The following SFRP5 variants were observed in gnomAD, a reference collection of about 807,000 sequenced individuals.
The protein encoded by SFRP5 is secreted frizzled-related protein 5.
In SFRP5, 22 loss-of-function variants were observed where a neutral mutation model predicts 27.0. The ratio of observed to expected loss-of-function variants is 0.82; its 90% CI spans 0.58 to 1.17. The LOEUF (loss-of-function observed/expected upper bound fraction) is 1.17, where lower values mean the gene tolerates loss of function less well. Ranked by LOEUF, SFRP5 falls within the 50% of genes most tolerant of loss-of-function variation. The probability of loss-of-function intolerance (pLI) is 0.00; values close to 1 mark genes in which losing one functional copy is unlikely to be tolerated. For missense variants in SFRP5, 406 were observed against 436.6 expected (o/e 0.93, Z 0.63); for synonymous variants, 171 against 195.0 (o/e 0.88, Z 1.03).
At position 97,767,772 on chromosome 10, in the gene SFRP5, C is replaced by G. The variant is rs762696098; in HGVS notation, c.696G>C (p.Pro232=). ...GAQKKKKLLK[P]GPLKRKDTKR... ...TGGTGTCCTTGCGCTTCAGGGGGCC[C>G]GGCTTGAGCAGCTTCTTCTTTTTCT... Residue 232 remains proline, a synonymous_variant, in exon 3 of 3, where the codon CCG becomes CCC. Transcript: ENST00000266066. 1.3e-6 allele frequency: 2 copies of G among 1,575,346 alleles called. No homozygotes were observed. The highest frequency in any genetic ancestry group is 2.2e-5 in the East Asian group (1 of 44,456).
rs777405996 is a variant in SFRP5 at position 97,767,861 on chromosome 10, CTG to C, written c.608-3_608-2del. On this transcript the variant is annotated splice_acceptor_variant and splice_polypyrimidine_tract_variant and intron_variant, in intron 2 of 2. Transcript: ENST00000266066. LOFTEE classifies it high-confidence loss of function. Reference sequence around the variant, plus strand: ...ATCTCCTTGATGCGCATTTTGACCACTGTGGGAAGAAAGGACAGGGGCAAGTT... The same window carrying C: ...ATCTCCTTGATGCGCATTTTGACCACTGGGAAGAAAGGACAGGGGCAAGTT... The C allele has an allele frequency of 1.2e-5, 19 of 1,520,858 alleles. No homozygotes were observed. The Admixed American group carries it at 4.3e-4, about 34-fold the overall frequency. 94.2% of individuals were successfully genotyped at this position (1,520,858 alleles called of 1,614,324 possible). A position where few individuals can be genotyped will look rare whatever the true frequency, so the allele number is the denominator to read the frequency against.
chr10:97,767,735 G>A lies in SFRP5; in HGVS notation c.733C>T (p.Leu245=). 6.2e-7 allele frequency: 1 copy of A among 1,610,310 alleles called. No homozygotes were observed. Among genetic ancestry groups the A allele is most frequent in the East Asian group, 2.2e-5 (1 of 44,826 alleles). ...CAGCCCGCGCCATTCTTCATGTGCA[G>A]CACCAGCCGCTTGGTGTCCTTGCGC... The part of the protein sequence containing the change: ...LKRKDTKRLV[L]HMKNGAGCPC... The change falls in exon 3 of 3, where the codon CTG becomes TTG. Residue 245 remains leucine, a synonymous_variant. Coordinates refer to ENST00000266066, the MANE Select transcript of SFRP5 (RefSeq NM_003015.3).
chr10:97,771,472 A>C lies in SFRP5; in HGVS notation c.362T>G (p.Ile121Ser). 1.2e-6 allele frequency: 2 copies of C among 1,612,324 alleles called. No individual in the cohort carries two copies. ...LFAPVCLDRP[I>S]YPCRSLCEAV... ...CTCGCACAGCGAGCGGCACGGGTAG[A>C]TGGGCCGGTCGAGACAGACGGGCGC... The change falls in exon 1 of 3, where the codon ATC becomes AGC. Residue 121 changes from isoleucine to serine, a missense_variant. Ile to Ser is a moderately radical substitution (Grantham distance 142). Transcript: ENST00000266066. The surrounding 1 kb of genome is among the most constrained non-coding windows in gnomAD (Gnocchi z 5.2).
Position 97,767,845 on chromosome 10 carries a change from A to T in SFRP5, c.623T>A (p.Ile208Asn). The change falls in exon 3 of 3, where the codon ATC becomes AAC. Residue 208 changes from isoleucine (I) to asparagine (N), a missense_variant. By Grantham distance (149) the Ile-to-Asn change is moderately radical. Coordinates refer to ENST00000266066, the MANE Select transcript of SFRP5 (RefSeq NM_003015.3). ...CCCATTCTCTATCTTGATCTCCTTG[A>T]TGCGCATTTTGACCACTGTGGGAAG... Reference protein sequence around the residue: ...CSSDFVVKMRIKEIKIENGDR... With the variant: ...CSSDFVVKMRNKEIKIENGDR... 1 of 1,525,676 alleles carries T rather than the reference A, an allele frequency of 6.6e-7. No homozygotes were observed. The highest frequency in any genetic ancestry group is 1.8e-4 in the Middle Eastern group (1 of 5,618). The allele number at this position is 1,525,676 out of a possible 1,614,324, so 94.5% of individuals were successfully genotyped here.
Position 97,771,217 on chromosome 10 carries a change from G to T in SFRP5, c.529+88C>A, listed in dbSNP as rs1306199036. ...GTGTGTGTGTGTGGGCGGAGGGGGG[G>T]AGCTGCACCTCTTGGGGGGTTCGCA... On this transcript the variant is annotated intron_variant, in intron 1 of 2. Transcript: ENST00000266066. This position sits in a 1 kb window ranked among gnomAD's most constrained non-coding sequence, Gnocchi z 5.2. 3.5e-5 allele frequency: 26 copies of T among 734,472 alleles called. No individual in the cohort carries two copies. In the East Asian group the frequency reaches 6.6e-4, roughly 19 times the overall value. 45.5% of individuals were successfully genotyped at this position (734,472 alleles called of 1,614,324 possible).
At position 97,767,418 on chromosome 10, in the gene SFRP5, T is replaced by TGCCA; in HGVS notation, c.*95_*96insTGGC. 1.0e-6 allele frequency: 1 copy of TGCCA among 968,966 alleles called. No individual in the cohort carries two copies. The highest frequency in any genetic ancestry group is 1.5e-6 in the Non-Finnish European group (1 of 658,710). The allele number at this position is 968,966 out of a possible 1,614,324, so 60.0% of individuals were successfully genotyped here. On this transcript the variant is annotated 3_prime_UTR_variant, in exon 3 of 3. Transcript: ENST00000266066. The stretch of plus-strand genomic sequence containing the variant: ...GGCCTTGTGCCAGTAACAACATTCG[T>TGCCA]GAAAACACCCTCCAGTAGGGCCGGG...
Position 97,771,697 on chromosome 10 carries a change from G to T in SFRP5, c.137C>A (p.Ser46Tyr), listed in dbSNP as rs1217073128. The T allele has an allele frequency of 6.3e-7, 1 of 1,598,750 alleles. No homozygotes were observed. Among genetic ancestry groups the T allele is most frequent in the East Asian group, 2.2e-5 (1 of 44,832 alleles). ...GWQAEPLHGR[S>Y]YSKPPQCLDI... ...AAGGCACTGCGGCGGCTTGGAGTAGGAGCGGCCGTGCAGCGGCTCGGCCTG... is the reference window on the plus strand; with the variant it reads ...AAGGCACTGCGGCGGCTTGGAGTAGTAGCGGCCGTGCAGCGGCTCGGCCTG... Residue 46 changes from serine to tyrosine, a missense_variant, in exon 1 of 3, where the codon TCC (serine) becomes TAC (tyrosine). Physicochemically the swap from Ser to Tyr is moderately radical, Grantham distance 144. Transcript: ENST00000266066. This position sits in a 1 kb window ranked among gnomAD's most constrained non-coding sequence, Gnocchi z 5.2.
At chr10:97,768,072 G>A (rs1461617312) in intron 2 of SFRP5, among the ~76,000 whole-genome samples, 1 of 152,138 alleles carries the variant, frequency 6.6e-6, no homozygotes, top group Admixed American at 6.5e-5. Context: ...TCATCCTCAA[G>A]GTACAGAAGA....
chr10:97,768,841 T>G lies in SFRP5; in HGVS notation c.607+827A>C, dbSNP rs533790553. Among the ~76,000 whole-genome samples, 214 of 152,196 alleles carry G rather than the reference T, an allele frequency of 1.4e-3. 1 individual carries two copies. Among genetic ancestry groups the G allele is most frequent in the African/African-American group, 5.0e-3 (206 of 41,522 alleles). On this transcript the variant is annotated intron_variant, in intron 2 of 2. Coordinates refer to ENST00000266066, the MANE Select transcript of SFRP5 (RefSeq NM_003015.3). ...TTCTTCAGGCTTCTGGGCCCCCATC[T>G]CTGTGGGGCCAGGGAGAAGTCAGAG...
Position 97,767,557 on chromosome 10 carries a change from G to C in SFRP5, c.911C>G (p.Ser304Cys), listed in dbSNP as rs1405397693. The change falls in exon 3 of 3, where the codon TCC (serine) becomes TGC (cysteine). Residue 304 changes from serine to cysteine, a missense_variant. Physicochemically the swap from Ser to Cys is moderately radical, Grantham distance 112. Transcript: ENST00000266066. ...CCCGTAGAAGAAAGGGTAGTAGAGG[G>C]AGCAGGGGTAGGAGAACATGAATTT... ...AVKFMFSYPC[S>C]LYYPFFYGAA... 1 of 1,613,250 alleles carries C rather than the reference G, an allele frequency of 6.2e-7. No homozygotes were observed. The highest frequency in any genetic ancestry group is 1.7e-5 in the Admixed American group (1 of 60,020).
Position 97,767,295 on chromosome 10 carries a change from TGAA to T in SFRP5, c.*216_*218del. 2 of 495,936 alleles carry T rather than the reference TGAA, an allele frequency of 4.0e-6. No individual in the cohort carries two copies. Among genetic ancestry groups the T allele is most frequent in the Non-Finnish European group, 7.1e-6 (2 of 283,504 alleles). 30.7% of individuals were successfully genotyped at this position (495,936 alleles called of 1,614,324 possible). A position where few individuals can be genotyped will look rare whatever the true frequency, so the allele number is the denominator to read the frequency against. The stretch of plus-strand genomic sequence containing the variant: ...TGAGACCCTGAGGTCTTCACCCAGA[TGAA>T]GAAGCCCTGCTCCTGAGAGAGGAAG... On this transcript the variant is annotated 3_prime_UTR_variant, in exon 3 of 3. Coordinates refer to ENST00000266066, the MANE Select transcript of SFRP5 (RefSeq NM_003015.3).
Position 97,771,620 on chromosome 10 carries a change from G to T in SFRP5, c.214C>A (p.Arg72=). The change falls in exon 1 of 3, where the codon CGG becomes AGG. Residue 72 remains arginine (R), a synonymous_variant. Transcript: ENST00000266066. The surrounding 1 kb of genome is among the most constrained non-coding windows in gnomAD (Gnocchi z 5.2). The part of the protein sequence containing the change: ...LCHTVGYKRM[R]LPNLLEHESL... ...TCGTGCTCCAGCAGGTTGGGCAGCC[G>T]CATGCGCTTGTAGCCCACCGTGTGG... 6.2e-7 allele frequency: 1 copy of T among 1,609,396 alleles called. No individual in the cohort carries two copies. Among genetic ancestry groups the T allele is most frequent in the Non-Finnish European group, 8.5e-7 (1 of 1,179,576 alleles).
Position 97,771,592 on chromosome 10 carries a change from C to T in SFRP5, c.242G>A (p.Ser81Asn). Residue 81 changes from serine (S) to asparagine (N), a missense_variant, in exon 1 of 3, where the codon AGC (serine) becomes AAC (asparagine). Transcript: ENST00000266066. The surrounding 1 kb of genome is among the most constrained non-coding windows in gnomAD (Gnocchi z 5.2). ...CGCCTGCTGCTTCACTTCGGCCAGG[C>T]TCTCGTGCTCCAGCAGGTTGGGCAG... ...MRLPNLLEHE[S>N]LAEVKQQASS... The T allele has an allele frequency of 6.2e-7, 1 of 1,611,742 alleles. No individual in the cohort carries two copies. Among genetic ancestry groups the T allele is most frequent in the East Asian group, 2.2e-5 (1 of 44,814 alleles).
In SFRP5 at chr10:97,767,439, C is replaced by T; in HGVS notation, c.*75G>A. On this transcript the variant is annotated 3_prime_UTR_variant, in exon 3 of 3. Transcript: ENST00000266066. ...TTCGTGAAAACACCCTCCAGTAGGGCCGGGTCAGCCTGGAAGTTGGGGCGG... is the reference window on the plus strand; with the variant it reads ...TTCGTGAAAACACCCTCCAGTAGGGTCGGGTCAGCCTGGAAGTTGGGGCGG... The T allele has an allele frequency of 8.5e-7, 1 of 1,180,092 alleles. No individual in the cohort carries two copies. The highest frequency in any genetic ancestry group is 1.5e-5 in the South Asian group (1 of 68,060). The allele number at this position is 1,180,092 out of a possible 1,614,324, so 73.1% of individuals were successfully genotyped here. A position where few individuals can be genotyped will look rare whatever the true frequency, so the allele number is the denominator to read the frequency against.
chr10:97,768,156 G>A (rs1462683488), intron 2 of SFRP5, among the ~76,000 whole-genome samples: 1 of 152,148 alleles, frequency 6.6e-6, no homozygotes, highest in African/African-American at 2.4e-5. Context: ...ACCAAAGGCA[G>A]GGTGGAGAGC....
At chr10:97,767,997 G>A (rs558908326) in intron 2 of SFRP5, 137 bp from the exon 3 acceptor site, 12 of 565,740 alleles carry the variant, frequency 2.1e-5, no homozygotes, top group South Asian at 3.0e-5. Flanking sequence ...GGTGGAGCTC[G>A]TAGGGCACAT....
At position 97,771,829 on chromosome 10, in the gene SFRP5, C is replaced by T. The variant is rs1194283707; in HGVS notation, c.5G>A (p.Arg2Gln). Residue 2 changes from arginine (R) to glutamine (Q), a missense_variant, in exon 1 of 3, where the codon CGG (arginine) becomes CAG (glutamine). Arg to Gln is a conservative substitution (Grantham distance 43). Coordinates refer to ENST00000266066, the MANE Select transcript of SFRP5 (RefSeq NM_003015.3). This position sits in a 1 kb window ranked among gnomAD's most constrained non-coding sequence, Gnocchi z 5.2. M[R>Q]AAAAGGGVRT... is the part of the protein sequence containing the mutation. ...CACGCCCCCCCCCGCCGCCGCCGCCCGCATGGCTGCGCCCTCTCCAGGTGC... is the reference window on the plus strand; with the variant it reads ...CACGCCCCCCCCCGCCGCCGCCGCCTGCATGGCTGCGCCCTCTCCAGGTGC... 38 of 1,157,182 alleles carry T rather than the reference C, an allele frequency of 3.3e-5. No individual in the cohort carries two copies. Among genetic ancestry groups the T allele is most frequent in the Non-Finnish European group, 3.9e-5 (37 of 945,554 alleles). The allele number at this position is 1,157,182 out of a possible 1,614,324, so 71.7% of individuals were successfully genotyped here.
Position 97,771,641 on chromosome 10 carries a change from T to C in SFRP5, c.193A>G (p.Thr65Ala), listed in dbSNP as rs1425709705. The C allele has an allele frequency of 9.3e-6, 15 of 1,607,214 alleles. No individual in the cohort carries two copies. The highest frequency in any genetic ancestry group is 1.7e-5 in the Admixed American group (1 of 59,974). The change falls in exon 1 of 3, where the codon ACG becomes GCG. Residue 65 changes from threonine to alanine, a missense_variant. Thr to Ala is a moderately conservative substitution (Grantham distance 58). Coordinates refer to ENST00000266066, the MANE Select transcript of SFRP5 (RefSeq NM_003015.3). The surrounding 1 kb of genome is among the most constrained non-coding windows in gnomAD (Gnocchi z 5.2). ...DIPADLPLCH[T>A]VGYKRMRLPN... ...AGCCGCATGCGCTTGTAGCCCACCG[T>C]GTGGCAGAGCGGCAGGTCGGCAGGG...
At chr10:97,769,308 C>A (rs1259731953) in intron 2 of SFRP5, among the ~76,000 whole-genome samples, 2 of 152,214 alleles carry the variant, frequency 1.3e-5, no homozygotes, top group Non-Finnish European at 2.9e-5. Flanking sequence ...AGCCATCACT[C>A]CCCACCTGGC....
Sources: gnomAD v4.1 joint callset for allele counts (sites outside exome capture counted in the v4.1 genomes callset) on GRCh38, gnomAD v4.1.1 for gene constraint, Gnocchi (gnomAD v3.1) non-coding constraint, MANE v1.5 for transcripts, NCBI Gene and HGNC (gene_info 2026-07-23, HGNC 2026-07-21) for gene names.